VSTM1: variants seen among roughly 807,000 people sequenced by gnomAD.
VSTM1 encodes V-set and transmembrane domain-containing protein 1.
A neutral mutation model predicts 33.1 loss-of-function variants in VSTM1; 27 were observed. The ratio of observed to expected loss-of-function variants is 0.82; its 90% confidence interval spans 0.60 to 1.12. The LOEUF is 1.12. VSTM1 is among the 50% of genes most tolerant of loss of function. The probability of loss-of-function intolerance (pLI) is 0.00; values close to 1 mark genes in which losing one functional copy is unlikely to be tolerated. For synonymous variants in VSTM1, 115 were observed against 110.3 expected, an observed-to-expected ratio of 1.04 and a Z score of -0.27; for missense variants, 304 against 288.9, an observed-to-expected ratio of 1.05 and a Z score of -0.38.
chr19:54,051,652 A>G (rs1309528644), intron 3 of VSTM1, among the ~76,000 whole-genome samples: 1 of 152,174 alleles, frequency 6.6e-6, no homozygotes, highest in Non-Finnish European at 1.5e-5. Flanking sequence ...CTGGAGTTTG[A>G]TAGTATTTTT....
chr19:54,043,099 C>T (rs116771975), intron 4 of VSTM1, among the ~76,000 whole-genome samples: 8,481 of 151,936 alleles, frequency 0.056, 303 homozygotes, highest in Admixed American at 0.1. Context: ...AAGCCTGGAT[C>T]TCCCACCTTG....
At chr19:54,054,848 A>C (rs1298274049) in intron 3 of VSTM1, among the ~76,000 whole-genome samples, 1 of 125,284 alleles carries the variant, frequency 8.0e-6, no homozygotes, top group African/African-American at 2.9e-5. Flanking sequence ...TGGATAGATG[A>C]ATGGATGGAT....
intron 1 of VSTM1, among the ~76,000 whole-genome samples, chr19:54,059,091 T>C (rs1236150123): frequency 3.0e-4 from 44 of 147,510 alleles, no homozygotes; most frequent in African/African-American, 1.1e-3. Context: ...AATGTAGTCT[T>C]GCTCTGTTGC....
chr19:54,060,612 C>A (rs1292202062), intron 1 of VSTM1, among the ~76,000 whole-genome samples: 4 of 152,162 alleles, frequency 2.6e-5, no homozygotes, highest in African/African-American at 9.7e-5. Flanking sequence ...TGTTTTGAGA[C>A]CCTCCCCAAA....
chr19:54,049,169 G>C (rs1251557099), intron 4 of VSTM1, among the ~76,000 whole-genome samples: 1 of 152,140 alleles, frequency 6.6e-6, no homozygotes, highest in Non-Finnish European at 1.5e-5. Context: ...ACCATGACAA[G>C]AAATGAAACA....
At chr19:54,059,059 C>CTTTTTTTTT (rs68002308) in intron 1 of VSTM1, among the ~76,000 whole-genome samples, 1 of 104,222 alleles carries the variant, frequency 9.6e-6, no homozygotes, top group African/African-American at 4.1e-5. Context: ...CTTCTTCTTT[C>CTTTTTTTTT]TTTTTTTTTT....
chr19:54,040,924 G>C lies in VSTM1; in HGVS notation c.*37C>G, dbSNP rs1600098252. 1.2e-6 allele frequency: 2 copies of C among 1,602,094 alleles called. No homozygotes were observed. Among genetic ancestry groups the C allele is most frequent in the Non-Finnish European group, 1.7e-6 (2 of 1,174,780 alleles). ...GATTTCCGATAACCTTGGCCAGCAC[G>C]ATCCCCCCTCCTTTAGTGGCCAGGG... On this transcript the variant is annotated 3_prime_UTR_variant, in exon 9 of 9. Coordinates refer to ENST00000338372, the MANE Select transcript of VSTM1 (RefSeq NM_198481.4).
intron 4 of VSTM1, among the ~76,000 whole-genome samples, chr19:54,042,817 T>TATAC (rs1568450932): frequency 5.8e-5 from 3 of 51,926 alleles, no homozygotes; most frequent in African/African-American, 1.5e-4. Flanking sequence ...TATATATATA[T>TATAC]ATATATATAT....
chr19:54,061,042 G>A (rs2071372522), intron 1 of VSTM1, among the ~76,000 whole-genome samples: 1 of 124,490 alleles, frequency 8.0e-6, no homozygotes, highest in Non-Finnish European at 1.7e-5. Context: ...TTTTGACATG[G>A]AGTCTCCCTC....
chr19:54,062,399 A>T (rs17239517), intron 1 of VSTM1, among the ~76,000 whole-genome samples: 7,849 of 152,168 alleles, frequency 0.052, 272 homozygotes, highest in Admixed American at 0.099. Context: ...CAGCAGCTGG[A>T]GGCTTGGGTA....
chr19:54,048,580 G>T (rs1218379421), intron 4 of VSTM1, among the ~76,000 whole-genome samples: 3 of 152,216 alleles, frequency 2.0e-5, no homozygotes, highest in African/African-American at 7.2e-5. Flanking sequence ...TTACTGGAAG[G>T]AATATAACAT....
chr19:54,059,058 TC>T (rs1366267579), intron 1 of VSTM1, among the ~76,000 whole-genome samples: 92 of 122,266 alleles, frequency 7.5e-4, no homozygotes, highest in African/African-American at 2.8e-3. Flanking sequence ...ACTTCTTCTT[TC>T]TTTTTTTTTT....
chr19:54,042,278 G>T lies in VSTM1; in HGVS notation c.486C>A (p.His162Gln). The T allele has an allele frequency of 6.2e-7, 1 of 1,613,958 alleles. No individual in the cohort carries two copies. The highest frequency in any genetic ancestry group is 8.5e-7 in the Non-Finnish European group (1 of 1,179,982). Residue 162 changes from histidine to glutamine, a missense_variant and splice_region_variant, in exon 5 of 9, where the codon CAC becomes CAA. Coordinates refer to ENST00000338372, the MANE Select transcript of VSTM1 (RefSeq NM_198481.4). Reference sequence around the variant, plus strand: ...TCCCTTTGCGTTCTCTGAGCTCACTGTGCTGGCTGCATCTGTAGATGATGA... The same window carrying T: ...TCCCTTTGCGTTCTCTGAGCTCACTTTGCTGGCTGCATCTGTAGATGATGA... ...SVFIIYRCSQ[H>Q]SSSSEESTKR...
intron 4 of VSTM1, among the ~76,000 whole-genome samples, chr19:54,045,210 T>C (rs145689668): frequency 9.6e-4 from 146 of 152,342 alleles, no homozygotes; most frequent in African/African-American, 3.3e-3. Flanking sequence ...ATCTAATTTA[T>C]CTATCTCGCT....
At chr19:54,046,797 C>G (rs1406991893) in intron 4 of VSTM1, among the ~76,000 whole-genome samples, 1 of 152,166 alleles carries the variant, frequency 6.6e-6, no homozygotes, top group African/African-American at 2.4e-5. Flanking sequence ...TCTCTGTCTC[C>G]ACTGCTTTCT....
intron 1 of VSTM1, among the ~76,000 whole-genome samples, chr19:54,061,018 T>TTTC (rs1555766692): frequency 1.5e-5 from 2 of 135,956 alleles, no homozygotes; most frequent in Non-Finnish European, 3.1e-5. Context: ...TTTCTTTTCT[T>TTTC]TTTTTTTTTT....
intron 4 of VSTM1, among the ~76,000 whole-genome samples, chr19:54,047,213 A>G (rs2070635872): frequency 6.6e-6 from 1 of 152,118 alleles, no homozygotes. Context: ...AATAAATAAT[A>G]AATAAAATAA....
chr19:54,059,996 C>T lies in VSTM1; in HGVS notation c.35-1264G>A, dbSNP rs146334942. On this transcript the variant is annotated intron_variant, in intron 1 of 8. Coordinates refer to ENST00000338372, the MANE Select transcript of VSTM1 (RefSeq NM_198481.4). Reference sequence around the variant, plus strand: ...CCGAGTAGCTGGGACTACAGGCACCCGCCACCAAGCCCAGCTAATTAATTT... The same window carrying T: ...CCGAGTAGCTGGGACTACAGGCACCTGCCACCAAGCCCAGCTAATTAATTT... Among the ~76,000 whole-genome samples the T allele has an allele frequency of 5.7e-3, 853 of 150,410 alleles. 9 individuals carry two copies. The highest frequency in any genetic ancestry group is 0.019 in the African/African-American group (793 of 41,138).
At position 54,063,739 on chromosome 19, in the gene VSTM1, C is replaced by A; in HGVS notation, c.34+5G>T. 2 of 1,613,782 alleles carry A rather than the reference C, an allele frequency of 1.2e-6. No individual in the cohort carries two copies. Among genetic ancestry groups the A allele is most frequent in the South Asian group, 1.1e-5 (1 of 90,984 alleles). Reference sequence around the variant, plus strand: ...AGCCCATTCGTCCCAGTCCTGGAGACTCACCGAGGCAAAGCAGGGAGAGGA... The same window carrying A: ...AGCCCATTCGTCCCAGTCCTGGAGAATCACCGAGGCAAAGCAGGGAGAGGA... On this transcript the variant is annotated splice_donor_5th_base_variant and intron_variant, in intron 1 of 8. Coordinates refer to ENST00000338372, the MANE Select transcript of VSTM1 (RefSeq NM_198481.4).
Sources: gnomAD v4.1 joint callset for allele counts (sites outside exome capture counted in the v4.1 genomes callset) on GRCh38, gnomAD v4.1.1 for gene constraint, MANE v1.5 for transcripts, NCBI Gene and HGNC (gene_info 2026-07-23, HGNC 2026-07-21) for gene names.